The following BMP2K variants were observed in gnomAD, a reference collection of about 807,000 sequenced individuals.
The protein encoded by BMP2K is BMP2 inducible kinase.
A neutral mutation model predicts 116.0 loss-of-function variants in BMP2K; 74 were observed. The observed-to-expected ratio is 0.64, with a 90% CI of 0.53 to 0.77. The LOEUF (loss-of-function observed/expected upper bound fraction) is 0.77, where lower values mean the gene tolerates loss of function less well. Ranked by LOEUF, BMP2K falls within the 30% of genes least tolerant of loss-of-function variation. The pLI is 0.00. For synonymous variants in BMP2K, 486 were observed against 502.5 expected, an observed-to-expected ratio of 0.97 and a Z score of 0.44; for missense variants, 1,365 against 1,403.6, an observed-to-expected ratio of 0.97 and a Z score of 0.44.
At position 78,837,727 on chromosome 4, in the gene BMP2K, C is replaced by G. The variant is rs77647862; in HGVS notation, c.403+4040C>G. On this transcript the variant is annotated intron_variant, in intron 3 of 15. Transcript: ENST00000502613. ...CACACTGGAGTCCAAAGTCAAACTT[C>G]AGGACTCAAGTGATCCTTCTGCCTC... 4.5e-3 allele frequency among the ~76,000 whole-genome samples: 681 copies of G among 152,136 alleles called. 2 individuals are homozygous for G. Among genetic ancestry groups the G allele is most frequent in the African/African-American group, 0.016 (644 of 41,518 alleles).
At chr4:78,810,548 C>A (rs1429233142) in intron 1 of BMP2K, among the ~76,000 whole-genome samples, 2 of 152,148 alleles carry the variant, frequency 1.3e-5, no homozygotes, top group Non-Finnish European at 2.9e-5. Context: ...AGTGCCGAGT[C>A]AGGTCACATA....
intron 10 of BMP2K, among the ~76,000 whole-genome samples, chr4:78,868,008 C>G (rs1448882599): frequency 6.6e-6 from 1 of 152,142 alleles, no homozygotes; most frequent in African/African-American, 2.4e-5. Flanking sequence ...TGCAGTAAGC[C>G]AAGATCATGC....
At chr4:78,876,196 T>G (rs1481053487) in intron 13 of BMP2K, among the ~76,000 whole-genome samples, 1 of 152,062 alleles carries the variant, frequency 6.6e-6, no homozygotes, top group Non-Finnish European at 1.5e-5. Context: ...CTAAAAGGAA[T>G]GATTGACAGA....
At chr4:78,780,467 C>A (rs3775523) in intron 1 of BMP2K, among the ~76,000 whole-genome samples, 1 of 152,094 alleles carries the variant, frequency 6.6e-6, no homozygotes, top group Non-Finnish European at 1.5e-5. Flanking sequence ...AGCCAGTTCT[C>A]GTTGTTAATT....
chr4:78,904,258 G>A (rs1479813406), intron 15 of BMP2K, among the ~76,000 whole-genome samples: 2 of 151,874 alleles, frequency 1.3e-5, no homozygotes, highest in African/African-American at 4.8e-5. Flanking sequence ...AAAGATCATA[G>A]TAAACCTTAC....
intron 1 of BMP2K, among the ~76,000 whole-genome samples, chr4:78,793,814 A>G (rs2109939062): frequency 6.6e-6 from 1 of 152,118 alleles, no homozygotes; most frequent in African/African-American, 2.4e-5. Flanking sequence ...ATGTTGAAAT[A>G]ATATTTTGGA....
rs1198767778 is a variant in BMP2K, at chr4:78,913,688, T to C, written c.*1655T>C. ...TTGCCTATTTTCACAGTTCTGAACTTGGAAAGAAGCAAAGTATATGTAACT... is the reference window on the plus strand; with the variant it reads ...TTGCCTATTTTCACAGTTCTGAACTCGGAAAGAAGCAAAGTATATGTAACT... On this transcript the variant is annotated 3_prime_UTR_variant, in exon 16 of 16. Coordinates refer to ENST00000502613, the MANE Select transcript of BMP2K (RefSeq NM_198892.2). 1.3e-5 allele frequency: 2 copies of C among 152,190 alleles called. No homozygotes were observed. Among genetic ancestry groups the C allele is most frequent in the Admixed American group, 1.3e-4 (2 of 15,278 alleles). The allele number at this position is 152,190 out of a possible 1,614,324, so 9.4% of individuals were successfully genotyped here.
intron 1 of BMP2K, among the ~76,000 whole-genome samples, chr4:78,803,858 C>T (rs1349717635): frequency 1.3e-5 from 2 of 152,152 alleles, no homozygotes; most frequent in African/African-American, 4.8e-5. Context: ...ACCTTTTTAT[C>T]ATGCCTCATC....
intron 10 of BMP2K, among the ~76,000 whole-genome samples, chr4:78,868,931 G>A (rs950335630): frequency 3.9e-5 from 6 of 152,126 alleles, no homozygotes; most frequent in African/African-American, 1.2e-4. Flanking sequence ...TTTTTCAGGC[G>A]CATGTTGCAA....
intron 14 of BMP2K, among the ~76,000 whole-genome samples, chr4:78,884,369 T>A (rs1732986024): frequency 6.6e-6 from 1 of 152,170 alleles, no homozygotes; most frequent in South Asian, 2.1e-4. Context: ...GTATATAAAA[T>A]TGCAGATTCC....
At chr4:78,831,148 G>T (rs974375227) in intron 2 of BMP2K, among the ~76,000 whole-genome samples, 5 of 152,212 alleles carry the variant, frequency 3.3e-5, no homozygotes, top group Non-Finnish European at 7.3e-5. Context: ...GGAGCCTGAG[G>T]AACGGCTAGC....
At chr4:78,778,272 A>C (rs1727342052) in intron 1 of BMP2K, among the ~76,000 whole-genome samples, 1 of 152,224 alleles carries the variant, frequency 6.6e-6, no homozygotes, top group South Asian at 2.1e-4. Flanking sequence ...TGTATTACTC[A>C]CTACCCTAAG....
At chr4:78,882,121 CA>C (rs1560544056) in intron 14 of BMP2K, among the ~76,000 whole-genome samples, 1 of 150,782 alleles carries the variant, frequency 6.6e-6, no homozygotes, top group Non-Finnish European at 1.5e-5. Context: ...TTTTTAAAAA[CA>C]AAAAAAGGAA....
At chr4:78,833,911 A>G (rs1474309119) in intron 3 of BMP2K, among the ~76,000 whole-genome samples, 2 of 152,226 alleles carry the variant, frequency 1.3e-5, no homozygotes, top group East Asian at 3.8e-4. Context: ...GAAAAGTGAT[A>G]TTGAGTTTAA....
Position 78,915,364 on chromosome 4 carries a change from G to A in BMP2K, c.*3331G>A, listed in dbSNP as rs1306315730. On this transcript the variant is annotated 3_prime_UTR_variant, in exon 16 of 16. Transcript: ENST00000502613. ...TTTATTTTAGGTTTTGGTACTTCAC[G>A]TAAGCACTGTTAGAAGGTACAAGTG... 1 of 151,946 alleles carries A rather than the reference G, an allele frequency of 6.6e-6. No homozygotes were observed. The highest frequency in any genetic ancestry group is 2.1e-4 in the South Asian group (1 of 4,818). The allele number at this position is 151,946 out of a possible 1,614,324, so 9.4% of individuals were successfully genotyped here. A position where few individuals can be genotyped will look rare whatever the true frequency, so the allele number is the denominator to read the frequency against.
At chr4:78,866,438 C>T (rs189960217) in intron 10 of BMP2K, among the ~76,000 whole-genome samples, 22 of 152,164 alleles carry the variant, frequency 1.4e-4, no homozygotes, top group Admixed American at 3.9e-4. Context: ...TTTTGAGTCT[C>T]ACGAACCTGA....
intron 3 of BMP2K, among the ~76,000 whole-genome samples, chr4:78,837,729 G>A (rs1730558079): frequency 6.6e-6 from 1 of 151,860 alleles, no homozygotes. Context: ...TCAAACTTCA[G>A]GACTCAAGTG....
chr4:78,813,740 C>T (rs1318916939), intron 1 of BMP2K, among the ~76,000 whole-genome samples: 2 of 152,134 alleles, frequency 1.3e-5, no homozygotes, highest in African/African-American at 4.8e-5. Flanking sequence ...AACATTTCAG[C>T]CTCCTCCATC....
intron 13 of BMP2K, among the ~76,000 whole-genome samples, chr4:78,877,118 G>A (rs1009405071): frequency 5.3e-5 from 8 of 152,200 alleles, no homozygotes; most frequent in East Asian, 3.9e-4. Context: ...TTCTGGGTGG[G>A]TCAATGAGTG....
Sources: gnomAD v4.1 joint callset for allele counts (sites outside exome capture counted in the v4.1 genomes callset) on GRCh38, gnomAD v4.1.1 for gene constraint, MANE v1.5 for transcripts, NCBI Gene and HGNC (gene_info 2026-07-23, HGNC 2026-07-21) for gene names.